The following FBN1 variants were observed in gnomAD, a reference collection of about 807,000 sequenced individuals.
The protein encoded by FBN1 is fibrillin-1.
A neutral mutation model predicts 365.1 loss-of-function variants in FBN1; 29 were observed. The observed-to-expected ratio is 0.08, with a 90% CI of 0.06 to 0.11. The LOEUF (loss-of-function observed/expected upper bound fraction) is 0.11, where lower values mean the gene tolerates loss of function less well. Among genes scored for constraint, FBN1 ranks in the 10% least tolerant of loss-of-function variants. The probability of loss-of-function intolerance (pLI) is 1.00; values close to 1 mark genes in which losing one functional copy is unlikely to be tolerated. For missense variants in FBN1, 2,476 were observed against 3,703.2 expected (o/e 0.67, Z 8.60); for synonymous variants, 1,210 against 1,270.5 (o/e 0.95, Z 1.01).
At chr15:48,463,777 G>A (rs1334713087) in intron 41 of FBN1, 122 bp downstream of exon 41, 1 of 1,118,508 alleles carries the variant, frequency 8.9e-7, no homozygotes, top group Non-Finnish European at 1.3e-6. Context: ...TAACAAGACA[G>A]TGAAGGGATG....
At chr15:48,484,475 G>A (rs931632793) in intron 30 of FBN1, among the ~76,000 whole-genome samples, 2 of 151,716 alleles carry the variant, frequency 1.3e-5, no homozygotes, top group African/African-American at 2.4e-5. Flanking sequence ...AGGTTCAAGC[G>A]ATTCTCCTGC....
In FBN1 at chr15:48,444,528, A is replaced by G; in HGVS notation, c.6037+13T>C. On this transcript the variant is annotated intron_variant, in intron 49 of 65. Transcript: ENST00000316623. The stretch of plus-strand genomic sequence containing the variant: ...CGACACTCCTCATTTGCTACAACTG[A>G]TAGCTTTCCTACCTTCACACTTCTC... 1.9e-6 allele frequency: 3 copies of G among 1,613,126 alleles called. No individual in the cohort carries two copies. In the South Asian group the frequency reaches 3.3e-5, roughly 18 times the overall value.
intron 34 of FBN1, 139 bp from the exon 35 acceptor site, chr15:48,472,815 G>C: frequency 8.6e-7 from 1 of 1,166,636 alleles, no homozygotes. Context: ...TTTTCTCTTT[G>C]GTAGGCTAAC....
At chr15:48,488,050 T>C (rs1230170639) in intron 27 of FBN1, 63 bp downstream of exon 27, 2 of 1,607,512 alleles carry the variant, frequency 1.2e-6, no homozygotes, top group South Asian at 1.1e-5. Flanking sequence ...ACATAGGCTA[T>C]GAGCCATCAA....
chr15:48,628,331 G>A (rs555592998), intron 2 of FBN1, among the ~76,000 whole-genome samples: 1 of 151,352 alleles, frequency 6.6e-6, no homozygotes, highest in South Asian at 2.1e-4. Context: ...TCCTGAGAGA[G>A]CAATGCCGAA....
rs560414550 is a variant in FBN1, at chr15:48,593,880, G to A, written c.538+2403C>T. ...GAAAGGAAAGTAGTAAAGGCCTCCC[G>A]GATCTGCACTTTAAAAAATAAACAT... On this transcript the variant is annotated intron_variant, in intron 6 of 65. Coordinates refer to ENST00000316623, the MANE Select transcript of FBN1 (RefSeq NM_000138.5). Among the ~76,000 whole-genome samples the A allele has an allele frequency of 8.6e-5, 13 of 151,966 alleles. No homozygotes were observed. In the East Asian group the frequency reaches 1.4e-3, roughly 16 times the overall value.
At chr15:48,439,450 T>C (rs2043096676) in intron 50 of FBN1, among the ~76,000 whole-genome samples, 4 of 152,236 alleles carry the variant, frequency 2.6e-5, no homozygotes. Flanking sequence ...AATTCTTGTT[T>C]CTTGGAGAAC....
intron 6 of FBN1, among the ~76,000 whole-genome samples, chr15:48,557,813 T>C (rs1367660247): frequency 6.6e-6 from 1 of 152,188 alleles, no homozygotes. Flanking sequence ...TCAGTTGATA[T>C]GCTTGCATTT....
intron 2 of FBN1, among the ~76,000 whole-genome samples, chr15:48,630,363 C>T (rs1212432205): frequency 6.6e-6 from 1 of 152,098 alleles, no homozygotes; most frequent in Admixed American, 6.5e-5. Flanking sequence ...GCAAAGAATC[C>T]TGGTATGTCT....
Position 48,516,196 on chromosome 15 carries a change from A to G in FBN1, c.1314T>C (p.Ser438=). 1 of 1,613,804 alleles carries G rather than the reference A, an allele frequency of 6.2e-7. No homozygotes were observed. Among genetic ancestry groups the G allele is most frequent in the Non-Finnish European group, 8.5e-7 (1 of 1,179,810 alleles). Residue 438 remains serine, a synonymous_variant, in exon 11 of 66, where the codon TCT becomes TCC. Transcript: ENST00000316623. The part of the protein sequence containing the change: ...PRPPVEYLYP[S]REPPRVLPVN... ...TTGAATTCTTACTTGGTGGCTCCCGAGATGGATACAGATATTCCACTGGTG... is the reference window on the plus strand; with the variant it reads ...TTGAATTCTTACTTGGTGGCTCCCGGGATGGATACAGATATTCCACTGGTG...
chr15:48,603,186 C>T lies in FBN1; in HGVS notation c.347-2952G>A, dbSNP rs1289265236. 5.3e-5 allele frequency among the ~76,000 whole-genome samples: 8 copies of T among 152,314 alleles called. No homozygotes were observed. The East Asian group carries it at 1.5e-3, about 29-fold the overall frequency. On this transcript the variant is annotated intron_variant, in intron 4 of 65. Transcript: ENST00000316623. ...TATATTTTTTACCCTGTCTTTCAGG[C>T]AAACCTTTTCCAGCATAAAATATTC...
intron 49 of FBN1, among the ~76,000 whole-genome samples, chr15:48,442,939 A>C (rs2043127926): frequency 6.6e-6 from 1 of 152,162 alleles, no homozygotes; most frequent in South Asian, 2.1e-4. Flanking sequence ...TATTTGTGCA[A>C]AGGTTTCTAC....
At chr15:48,470,202 C>T (rs1053101799) in intron 36 of FBN1, among the ~76,000 whole-genome samples, 2 of 152,022 alleles carry the variant, frequency 1.3e-5, no homozygotes, top group African/African-American at 4.8e-5. Context: ...TCTGTGTACC[C>T]AGTACTCTGG....
intron 65 of FBN1, 147 bp downstream of exon 65, chr15:48,412,422 T>TAA (rs1056800130): frequency 1.2e-6 from 1 of 865,952 alleles, no homozygotes; most frequent in African/African-American, 1.7e-5. Flanking sequence ...CAGCCTCTTG[T>TAA]AAAATACAGC....
At chr15:48,519,196 C>G (rs1181440080) in intron 10 of FBN1, among the ~76,000 whole-genome samples, 2 of 152,206 alleles carry the variant, frequency 1.3e-5, no homozygotes, top group Non-Finnish European at 2.9e-5. Context: ...TGGTCCCCTA[C>G]TGGACTCAGG....
chr15:48,450,037 T>C (rs924875342), intron 45 of FBN1, among the ~76,000 whole-genome samples: 2 of 152,164 alleles, frequency 1.3e-5, no homozygotes, highest in Non-Finnish European at 1.5e-5. Flanking sequence ...TGAGGGGAAA[T>C]TGAAATAGAG....
At chr15:48,626,458 T>G (rs1219140572) in intron 2 of FBN1, among the ~76,000 whole-genome samples, 1 of 152,190 alleles carries the variant, frequency 6.6e-6, no homozygotes, top group Non-Finnish European at 1.5e-5. Context: ...CTACAAAAGC[T>G]TCAGAGATCT....
intron 47 of FBN1, 69 bp downstream of exon 47, chr15:48,446,637 A>G: frequency 1.1e-6 from 1 of 902,538 alleles, no homozygotes; most frequent in Non-Finnish European, 1.9e-6. Flanking sequence ...AACACTAGAG[A>G]TGATGCTAAT....
chr15:48,499,715 CCAT>C (rs10603233), intron 17 of FBN1, among the ~76,000 whole-genome samples: 14,425 of 152,012 alleles, frequency 0.095, 2,325 homozygotes, highest in African/African-American at 0.33. Flanking sequence ...AAAATTAATA[CCAT>C]GTTTTATATA....
Sources: gnomAD v4.1 joint callset for allele counts (sites outside exome capture counted in the v4.1 genomes callset) on GRCh38, gnomAD v4.1.1 for gene constraint, MANE v1.5 for transcripts, NCBI Gene and HGNC (gene_info 2026-07-23, HGNC 2026-07-21) for gene names.